Variants in LINGO2 observed in about 807,000 individuals in gnomAD.
LINGO2 encodes leucine-rich repeat and immunoglobulin-like domain-containing nogo receptor-interacting protein 2.
LINGO2 carries 14 observed loss-of-function variants against 30.6 expected under a neutral mutation model. The observed-to-expected ratio is 0.46, with a 90% CI of 0.30 to 0.72. LINGO2 has a LOEUF of 0.72. LINGO2 is among the 30% of genes least tolerant of loss of function. The pLI is 0.07. For missense variants in LINGO2, 729 were observed against 751.7 expected (o/e 0.97, Z 0.35); for synonymous variants, 317 against 288.5 (o/e 1.10, Z -1.00).
At chr9:29,155,261 T>C in the LINGO2 span, among the ~76,000 whole-genome samples, 1 of 152,176 alleles carries the variant, frequency 6.6e-6, no homozygotes, top group African/African-American at 2.4e-5. Flanking sequence ...GCTAGGAATA[T>C]GATGATCTTT....
the LINGO2 span, among the ~76,000 whole-genome samples, chr9:28,936,075 T>C: frequency 6.6e-6 from 1 of 152,120 alleles, no homozygotes; most frequent in African/African-American, 2.4e-5. Flanking sequence ...GTAAGGGAAA[T>C]TTATTTTGTG....
At chr9:28,924,141 TC>T in the LINGO2 span, among the ~76,000 whole-genome samples, 1 of 152,164 alleles carries the variant, frequency 6.6e-6, no homozygotes, top group Non-Finnish European at 1.5e-5. Context: ...ATACTTTAAC[TC>T]CCCTGGTTTC....
chr9:28,001,516 C>T (rs1048405517), intron 5 of LINGO2, among the ~76,000 whole-genome samples: 1 of 145,722 alleles, frequency 6.9e-6, no homozygotes, highest in African/African-American at 2.4e-5. Flanking sequence ...TCCCAATCTT[C>T]TGCGCCTGTG....
At chr9:28,963,558 A>T in the LINGO2 span, among the ~76,000 whole-genome samples, 1 of 150,756 alleles carries the variant, frequency 6.6e-6, no homozygotes, top group African/African-American at 2.5e-5. Flanking sequence ...ACACACACAC[A>T]CACACACACA....
At chr9:28,630,328 A>G (rs544266089) in intron 1 of LINGO2, among the ~76,000 whole-genome samples, 10 of 152,226 alleles carry the variant, frequency 6.6e-5, no homozygotes, top group Middle Eastern at 3.4e-3. Flanking sequence ...TTGTAACTAT[A>G]TTCTAATTGG....
At chr9:28,632,857 T>A (rs1211284303) in intron 1 of LINGO2, among the ~76,000 whole-genome samples, 1 of 82,814 alleles carries the variant, frequency 1.2e-5, no homozygotes, top group Non-Finnish European at 2.3e-5. Flanking sequence ...ATATATTTTT[T>A]ATATATATAT....
the LINGO2 span, among the ~76,000 whole-genome samples, chr9:29,063,438 T>C: frequency 6.6e-6 from 1 of 151,848 alleles, no homozygotes; most frequent in Non-Finnish European, 1.5e-5. Context: ...ATCTCGCTAT[T>C]GTCACCCAGG....
At chr9:28,879,307 G>C in the LINGO2 span, among the ~76,000 whole-genome samples, 2 of 151,988 alleles carry the variant, frequency 1.3e-5, no homozygotes, top group African/African-American at 4.8e-5. Context: ...ATGTCCAAAG[G>C]CATATGGATA....
chr9:28,066,055 A>G, intron 4 of LINGO2, among the ~76,000 whole-genome samples: 1 of 152,040 alleles, frequency 6.6e-6, no homozygotes, highest in East Asian at 1.9e-4. Context: ...AGCACATTAG[A>G]GGGGTGTGTC....
chr9:28,973,738 G>A, the LINGO2 span, among the ~76,000 whole-genome samples: 2 of 152,090 alleles, frequency 1.3e-5, no homozygotes, highest in African/African-American at 4.8e-5. Flanking sequence ...CAAGGTCATG[G>A]CATATTTAAA....
intron 4 of LINGO2, among the ~76,000 whole-genome samples, chr9:28,237,360 T>C (rs1256133614): frequency 6.8e-6 from 1 of 147,908 alleles, no homozygotes; most frequent in African/African-American, 2.5e-5. Flanking sequence ...AAAAGAAAGA[T>C]GGGAAGGAAG....
At chr9:28,903,468 T>C in the LINGO2 span, among the ~76,000 whole-genome samples, 2 of 152,122 alleles carry the variant, frequency 1.3e-5, no homozygotes, top group East Asian at 1.9e-4. Flanking sequence ...CATTCATTCA[T>C]CCATCCATTC....
At chr9:29,018,496 T>C in the LINGO2 span, among the ~76,000 whole-genome samples, 3 of 152,140 alleles carry the variant, frequency 2.0e-5, no homozygotes, top group Admixed American at 6.6e-5. Context: ...AATATTATTA[T>C]GGGTAATCAC....
intron 4 of LINGO2, among the ~76,000 whole-genome samples, chr9:28,055,915 C>G (rs940754236): frequency 1.3e-5 from 2 of 152,098 alleles, no homozygotes; most frequent in African/African-American, 2.4e-5. Flanking sequence ...GATTACTTCT[C>G]GAGACCCTCA....
the LINGO2 span, among the ~76,000 whole-genome samples, chr9:28,907,102 A>G: frequency 6.6e-6 from 1 of 151,924 alleles, no homozygotes. Context: ...TTCTGGTGGA[A>G]TGGCTGATTT....
chr9:28,558,143 T>TAATAAA (rs1287493422), intron 1 of LINGO2, among the ~76,000 whole-genome samples: 52 of 148,496 alleles, frequency 3.5e-4, no homozygotes, highest in African/African-American at 1.3e-3. Flanking sequence ...ACTTAAAGTA[T>TAATAAA]AATAAAAATA....
chr9:28,564,956 C>A lies in LINGO2; in HGVS notation c.-364-88931G>T, dbSNP rs141237500. 2.7e-3 allele frequency among the ~76,000 whole-genome samples: 413 copies of A among 152,100 alleles called. 1 individual carries two copies. The highest frequency in any genetic ancestry group is 9.0e-3 in the African/African-American group (375 of 41,548). On this transcript the variant is annotated intron_variant, in intron 1 of 5. Coordinates refer to ENST00000379992, the Ensembl canonical transcript of LINGO2. ...AGGTTCTATGGTATGAAGCTGTCTG[C>A]AAGTTCTGATACATGTTATTCCCTT...
chr9:27,963,739 A>G (rs1385790529), intron 5 of LINGO2, among the ~76,000 whole-genome samples: 2 of 112,534 alleles, frequency 1.8e-5, no homozygotes, highest in Non-Finnish European at 1.7e-5. Context: ...AGGTAAGGGT[A>G]AAAAAAAAAA....
chr9:28,217,951 C>A (rs1820825896), intron 4 of LINGO2, among the ~76,000 whole-genome samples: 1 of 151,296 alleles, frequency 6.6e-6, no homozygotes. Context: ...ATCCTAAGGA[C>A]ATAATTTGGA....
Sources: gnomAD v4.1 joint callset for allele counts (sites outside exome capture counted in the v4.1 genomes callset) on GRCh38, gnomAD v4.1.1 for gene constraint, MANE v1.5 for transcripts, NCBI Gene and HGNC (gene_info 2026-07-23, HGNC 2026-07-21) for gene names.